The following CCDC91 variants were observed in gnomAD, a reference collection of about 807,000 sequenced individuals.
The protein encoded by CCDC91 is coiled-coil domain containing 91, also known as coiled-coil domain-containing protein 91.
Under a neutral mutation model 63.2 loss-of-function variants are expected in CCDC91, and 48 were observed. The observed-to-expected ratio is 0.76, with a 90% CI of 0.60 to 0.97. The LOEUF (loss-of-function observed/expected upper bound fraction) is 0.97. CCDC91 is among the 50% of genes least tolerant of loss of function. The pLI, the probability that CCDC91 is intolerant of heterozygous loss-of-function variation, is 0.00. For synonymous variants in CCDC91, 167 were observed against 165.8 expected (o/e 1.01, Z -0.06); for missense variants, 500 against 494.6 (o/e 1.01, Z -0.10).
At chr12:28,236,032 T>C (rs1003164289) in intron 1 of CCDC91, among the ~76,000 whole-genome samples, 1 of 152,138 alleles carries the variant, frequency 6.6e-6, no homozygotes, top group African/African-American at 2.4e-5. Context: ...CAGTAGACCT[T>C]GCTATGCTTT....
chr12:28,408,664 G>A (rs1468264080), intron 8 of CCDC91, among the ~76,000 whole-genome samples: 1 of 151,234 alleles, frequency 6.6e-6, no homozygotes, highest in Non-Finnish European at 1.5e-5. Flanking sequence ...TTTTTTTGAG[G>A]CAGAGTCTTG....
At chr12:28,278,241 A>G (rs868424532) in intron 3 of CCDC91, among the ~76,000 whole-genome samples, 18 of 152,040 alleles carry the variant, frequency 1.2e-4, no homozygotes, top group African/African-American at 4.1e-4. Flanking sequence ...ATGACACTGC[A>G]TACCCCTGGT....
intron 6 of CCDC91, among the ~76,000 whole-genome samples, chr12:28,308,371 T>C (rs1938964677): frequency 6.6e-6 from 1 of 152,102 alleles, no homozygotes; most frequent in Non-Finnish European, 1.5e-5. Context: ...AAGTATATTC[T>C]AACTAGTCTT....
intron 8 of CCDC91, among the ~76,000 whole-genome samples, chr12:28,403,991 A>AT (rs1180685016): frequency 2.0e-5 from 3 of 151,036 alleles, no homozygotes; most frequent in Non-Finnish European, 1.5e-5. Context: ...GGTTTTATTG[A>AT]TTTTTCCATT....
At chr12:28,546,922 G>A (rs907840104) in intron 12 of CCDC91, among the ~76,000 whole-genome samples, 1 of 152,004 alleles carries the variant, frequency 6.6e-6, no homozygotes, top group Non-Finnish European at 1.5e-5. Flanking sequence ...AAATTTTATT[G>A]CTTGAAAAAC....
chr12:28,436,653 G>C (rs1471261715), intron 8 of CCDC91, among the ~76,000 whole-genome samples: 1 of 151,692 alleles, frequency 6.6e-6, no homozygotes, highest in African/African-American at 2.4e-5. Flanking sequence ...AACATGTCTT[G>C]TTGAGCAGAT....
At chr12:28,273,137 G>T (rs546669417) in intron 3 of CCDC91, among the ~76,000 whole-genome samples, 17 of 152,066 alleles carry the variant, frequency 1.1e-4, no homozygotes, top group African/African-American at 4.1e-4. Flanking sequence ...ATGGTTTCCA[G>T]CTTCATCCAT....
chr12:28,336,588 T>G (rs1941999458), intron 6 of CCDC91, among the ~76,000 whole-genome samples: 1 of 152,150 alleles, frequency 6.6e-6, no homozygotes, highest in African/African-American at 2.4e-5. Context: ...TTCTGAAGCT[T>G]GAAAAGTCTT....
At chr12:28,546,246 T>C (rs773532043) in intron 12 of CCDC91, among the ~76,000 whole-genome samples, 10 of 152,134 alleles carry the variant, frequency 6.6e-5, no homozygotes, top group Non-Finnish European at 1.0e-4. Flanking sequence ...CGCTGAGTTC[T>C]GCTTATATTT....
intron 1 of CCDC91, among the ~76,000 whole-genome samples, chr12:28,212,281 G>A (rs1426012317): frequency 6.6e-6 from 1 of 152,178 alleles, no homozygotes; most frequent in Non-Finnish European, 1.5e-5. Flanking sequence ...TGTGAATTGG[G>A]TAGCCCCCAG....
rs1383934318 is a variant in CCDC91 at position 28,259,416 on chromosome 12, C to T, written c.83C>T (p.Ala28Val). 6.2e-7 allele frequency: 1 copy of T among 1,607,636 alleles called. No individual in the cohort carries two copies. The highest frequency in any genetic ancestry group is 1.1e-5 in the South Asian group (1 of 90,876). ...GGTGAAACCCAAACAACATCTCCTG[C>T]TATTCCTTGGGCTGCCTTTCCTGCA... ...GSGETQTTSP[A>V]IPWAAFPAVS... The change falls in exon 3 of 13, where the codon GCT becomes GTT. Residue 28 changes from alanine to valine, a missense_variant. Physicochemically the swap from Ala to Val is moderately conservative, Grantham distance 64. Transcript: ENST00000536442.
At chr12:28,201,677 G>A (rs13112053) in intron 1 of CCDC91, among the ~76,000 whole-genome samples, 2 of 145,058 alleles carry the variant, frequency 1.4e-5, no homozygotes, top group South Asian at 2.2e-4. Context: ...CAAGGCAGGC[G>A]GCTGGGAGGT....
chr12:28,275,605 T>TC (rs1305126116), intron 3 of CCDC91, among the ~76,000 whole-genome samples: 1 of 152,082 alleles, frequency 6.6e-6, no homozygotes, highest in East Asian at 1.9e-4. Context: ...GAGGGAATCC[T>TC]CCCTAACTCA....
rs561163742 is a variant in CCDC91 at position 28,518,402 on chromosome 12, A to G, written c.1216-30661A>G. Among the ~76,000 whole-genome samples, 4 of 151,750 alleles carry G rather than the reference A, an allele frequency of 2.6e-5. No homozygotes were observed. The South Asian group carries it at 6.2e-4, about 24-fold the overall frequency. ...CATTAGTGATGTTGAGCATTTTTTC[A>G]TATGTTTGTTGGCCATTTGTTTATG... On this transcript the variant is annotated intron_variant, in intron 12 of 12. Transcript: ENST00000536442.
chr12:28,495,214 A>G (rs943617653), intron 12 of CCDC91, among the ~76,000 whole-genome samples: 8 of 151,726 alleles, frequency 5.3e-5, no homozygotes, highest in African/African-American at 1.9e-4. Context: ...AGGATGGGCA[A>G]TCTCCTCTTC....
intron 6 of CCDC91, among the ~76,000 whole-genome samples, chr12:28,322,871 T>G (rs1940649156): frequency 6.6e-6 from 1 of 151,756 alleles, no homozygotes; most frequent in African/African-American, 2.4e-5. Context: ...AGACTTTTAA[T>G]ATGCCAGTTA....
intron 6 of CCDC91, among the ~76,000 whole-genome samples, chr12:28,317,130 G>A (rs1277668418): frequency 3.3e-5 from 5 of 151,914 alleles, no homozygotes; most frequent in African/African-American, 9.7e-5. Context: ...AGATTCGGAT[G>A]CCATACACGT....
chr12:28,525,356 C>T (rs149530880), intron 12 of CCDC91, among the ~76,000 whole-genome samples: 82 of 152,174 alleles, frequency 5.4e-4, no homozygotes, highest in African/African-American at 1.9e-3. Context: ...TCATTGTTAG[C>T]CCAATGATCA....
chr12:28,324,692 ATAATAC>A (rs1940820736), intron 6 of CCDC91, among the ~76,000 whole-genome samples: 1 of 151,800 alleles, frequency 6.6e-6, no homozygotes, highest in Non-Finnish European at 1.5e-5. Context: ...AATAATAATA[ATAATAC>A]TTCCTTTTTG....
Sources: gnomAD v4.1 joint callset for allele counts (sites outside exome capture counted in the v4.1 genomes callset) on GRCh38, gnomAD v4.1.1 for gene constraint, MANE v1.5 for transcripts, NCBI Gene and HGNC (gene_info 2026-07-23, HGNC 2026-07-21) for gene names.